Variants in ITGA6 observed in about 807,000 individuals in gnomAD.
ITGA6 encodes integrin alpha-6.
ITGA6 carries 63 observed loss-of-function variants against 133.6 expected under a neutral mutation model. The ratio of observed to expected loss-of-function variants is 0.47; its 90% CI spans 0.38 to 0.58. The LOEUF (loss-of-function observed/expected upper bound fraction) is 0.58, where lower values mean the gene tolerates loss of function less well. Among genes scored for constraint, ITGA6 ranks in the 20% least tolerant of loss-of-function variants. The probability of loss-of-function intolerance (pLI) is 0.00; values close to 1 mark genes in which losing one functional copy is unlikely to be tolerated. For synonymous variants in ITGA6, 434 were observed against 482.0 expected, an observed-to-expected ratio of 0.90 and a Z score of 1.30; for missense variants, 1,068 against 1,309.4, an observed-to-expected ratio of 0.82 and a Z score of 2.85.
intron 4 of ITGA6, 46 bp downstream of exon 4, chr2:172,469,426 T>G: frequency 1.9e-6 from 3 of 1,576,876 alleles, no homozygotes; most frequent in Non-Finnish European, 2.6e-6. Flanking sequence ...TCCCCTAATT[T>G]CTGTAATATG....
intron 5 of ITGA6, among the ~76,000 whole-genome samples, chr2:172,473,060 G>A (rs898628724): frequency 1.3e-5 from 2 of 152,062 alleles, no homozygotes; most frequent in Non-Finnish European, 2.9e-5. Flanking sequence ...TGTAAGAGCT[G>A]GACTCCATAT....
intron 1 of ITGA6, among the ~76,000 whole-genome samples, chr2:172,436,137 A>G (rs762448236): frequency 2.0e-5 from 3 of 152,070 alleles, no homozygotes; most frequent in Non-Finnish European, 4.4e-5. Flanking sequence ...AATGAAGAAG[A>G]CCTCCATGAC....
intron 1 of ITGA6, among the ~76,000 whole-genome samples, chr2:172,435,208 G>A (rs554508059): frequency 2.0e-5 from 3 of 152,144 alleles, no homozygotes; most frequent in Non-Finnish European, 4.4e-5. Flanking sequence ...GCATTGTGAT[G>A]TAAAGTTAAC....
intron 23 of ITGA6, among the ~76,000 whole-genome samples, chr2:172,496,928 C>T (rs1262586619): frequency 6.6e-6 from 1 of 152,196 alleles, no homozygotes; most frequent in Non-Finnish European, 1.5e-5. Flanking sequence ...TTAAGCTTCT[C>T]AGCAGCAGGA....
Position 172,485,340 on chromosome 2 carries a change from A to G in ITGA6, c.1854+76A>G. On this transcript the variant is annotated intron_variant, in intron 13 of 25. Coordinates refer to ENST00000684293, the MANE Select transcript of ITGA6 (RefSeq NM_000210.4). Reference sequence around the variant, plus strand: ...GCTAAATCAAATGTCTTTGAAGGGAATAGAACTAGTGATTTGCTTTAAAGG... The same window carrying G: ...GCTAAATCAAATGTCTTTGAAGGGAGTAGAACTAGTGATTTGCTTTAAAGG... 4 of 1,283,540 alleles carry G rather than the reference A, an allele frequency of 3.1e-6. No individual in the cohort carries two copies. The South Asian group carries it at 3.6e-5, about 11-fold the overall frequency. The allele number at this position is 1,283,540 out of a possible 1,614,324, so 79.5% of individuals were successfully genotyped here.
chr2:172,500,818 C>A (rs1455597101), intron 24 of ITGA6, among the ~76,000 whole-genome samples: 1 of 152,130 alleles, frequency 6.6e-6, no homozygotes, highest in Non-Finnish European at 1.5e-5. Flanking sequence ...GGCGGTTAGG[C>A]ACGTGGAATA....
Position 172,461,866 on chromosome 2 carries a change from G to A in ITGA6, c.183-3673G>A, listed in dbSNP as rs551536196. On this transcript the variant is annotated intron_variant, in intron 1 of 25. Transcript: ENST00000684293. ...ACCATGTCCTGAACAGCTTAGACCAGCACCCAGACCCTAAATGACCTAGAT... is the reference window on the plus strand; with the variant it reads ...ACCATGTCCTGAACAGCTTAGACCAACACCCAGACCCTAAATGACCTAGAT... Among the ~76,000 whole-genome samples the A allele has an allele frequency of 8.5e-5, 13 of 152,278 alleles. No individual in the cohort carries two copies. In the South Asian group the frequency reaches 2.5e-3, roughly 29 times the overall value.
Position 172,487,973 on chromosome 2 carries a change from A to G in ITGA6, c.2337A>G (p.Gln779=), listed in dbSNP as rs774121934. ...INLKLETTSN[Q]DNLAPITAKA... Reference sequence around the variant, plus strand: ...TTTTCATTTTCAGAACAAGCAATCAAGATAATTTGGCTCCAATTACAGCTA... The same window carrying G: ...TTTTCATTTTCAGAACAAGCAATCAGGATAATTTGGCTCCAATTACAGCTA... The change falls in exon 18 of 26, where the codon CAA becomes CAG. Residue 779 remains glutamine (Q), a synonymous_variant. Transcript: ENST00000684293. 3.1e-6 allele frequency: 5 copies of G among 1,613,672 alleles called. No homozygotes were observed. Among genetic ancestry groups the G allele is most frequent in the Non-Finnish European group, 4.2e-6 (5 of 1,179,600 alleles).
chr2:172,485,275 CT>C lies in ITGA6; in HGVS notation c.1854+12del, dbSNP rs1686618275. ...ACAGCTCATATTGATGTAAGTCTCT[CT>C]GACTTTCATTTTGCCAAAGTTTTTT... is the stretch of plus-strand genomic sequence containing the variant. On this transcript the variant is annotated intron_variant, in intron 13 of 25. Transcript: ENST00000684293. The C allele has an allele frequency of 6.2e-7, 1 of 1,613,282 alleles. No homozygotes were observed. The highest frequency in any genetic ancestry group is 8.5e-7 in the Non-Finnish European group (1 of 1,179,560).
At position 172,491,777 on chromosome 2, in the gene ITGA6, G is replaced by C. The variant is rs1686939278; in HGVS notation, c.2988+254G>C. 4.6e-5 allele frequency among the ~76,000 whole-genome samples: 7 copies of C among 152,126 alleles called. No individual in the cohort carries two copies. Among genetic ancestry groups the C allele is most frequent in the Admixed American group, 4.6e-4 (7 of 15,272 alleles). The stretch of plus-strand genomic sequence containing the variant: ...ACTACTGGCTCAATTCAGAGAATGG[G>C]TGCACCTCACAGCCCTCTAGAAACC... On this transcript the variant is annotated intron_variant, in intron 23 of 25. Coordinates refer to ENST00000684293, the MANE Select transcript of ITGA6 (RefSeq NM_000210.4). The surrounding 1 kb of genome is among the most constrained non-coding windows in gnomAD (Gnocchi z 4.4).
chr2:172,461,161 C>A (rs1685413328), intron 1 of ITGA6, among the ~76,000 whole-genome samples: 1 of 152,164 alleles, frequency 6.6e-6, no homozygotes, highest in Non-Finnish European at 1.5e-5. Context: ...CTCCAAAGAC[C>A]TGAATTTATA....
chr2:172,479,513 T>A, intron 9 of ITGA6, 128 bp from the exon 10 acceptor site: 1 of 788,718 alleles, frequency 1.3e-6, no homozygotes, highest in South Asian at 1.4e-5. Flanking sequence ...GGGGAAAACG[T>A]CACGTGTATT....
Position 172,427,985 on chromosome 2 carries a change from C to T in ITGA6, c.182+15C>T, listed in dbSNP as rs6716540. ...GACAAGCGGCTGTGAGTTCCCAGAC[C>T]CTTCCCACCCCCACTGGGGCGCCGG... On this transcript the variant is annotated intron_variant, in intron 1 of 25. Coordinates refer to ENST00000684293, the MANE Select transcript of ITGA6 (RefSeq NM_000210.4). The T allele has an allele frequency of 0.28, 449,222 of 1,592,280 alleles. 75,014 individuals carry two copies. Among genetic ancestry groups the T allele is most frequent in the East Asian group, 0.84 (35,522 of 42,226 alleles).
intron 1 of ITGA6, among the ~76,000 whole-genome samples, chr2:172,448,956 C>T (rs1882167): frequency 2.2e-3 from 339 of 152,226 alleles, no homozygotes; most frequent in Admixed American, 5.3e-3. Flanking sequence ...GTCTTGAAGG[C>T]AAAATCGTAG....
chr2:172,487,446 C>T lies in ITGA6; in HGVS notation c.2153C>T (p.Ala718Val). 1 of 1,613,772 alleles carries T rather than the reference C, an allele frequency of 6.2e-7. No individual in the cohort carries two copies. The highest frequency in any genetic ancestry group is 8.5e-7 in the Non-Finnish European group (1 of 1,179,692). Residue 718 changes from alanine to valine, a missense_variant, in exon 15 of 26, where the codon GCT becomes GTT. This residue lies in a region of ITGA6 where 609 missense variants were observed against 707.2 expected (regional missense o/e 0.86). Transcript: ENST00000684293. ...LTYSAYRELR[A>V]FPEKQLSCVA... ...TATTCTGCATATAGAGAACTGAGGG[C>T]TTTCCCTGTAAGTATTGTTAGAGAC... is the stretch of plus-strand genomic sequence containing the variant.
chr2:172,470,998 A>G lies in ITGA6; in HGVS notation c.668A>G (p.Asn223Ser), dbSNP rs1487706480. 1.2e-6 allele frequency: 2 copies of G among 1,614,078 alleles called. No homozygotes were observed. The highest frequency in any genetic ancestry group is 1.7e-6 in the Non-Finnish European group (2 of 1,179,972). The change falls in exon 5 of 26, where the codon AAT becomes AGT. Residue 223 changes from asparagine to serine, a missense_variant. By Grantham distance (46) the Asn-to-Ser change is conservative. Coordinates refer to ENST00000684293, the MANE Select transcript of ITGA6 (RefSeq NM_000210.4). ...GGGATTGTTCGTGTAGAGCAAAAGA[A>G]TAACACTTTTTTTGACATGAACATC... ...WKGIVRVEQK[N>S]NTFFDMNIFE...
intron 23 of ITGA6, among the ~76,000 whole-genome samples, chr2:172,497,329 CA>C (rs1470653662): frequency 6.6e-6 from 1 of 151,792 alleles, no homozygotes; most frequent in African/African-American, 2.4e-5. Flanking sequence ...CCTGTCTCAA[CA>C]AAAAAATTTT....
chr2:172,472,458 A>G (rs1685982745), intron 5 of ITGA6, among the ~76,000 whole-genome samples: 1 of 152,258 alleles, frequency 6.6e-6, no homozygotes, highest in African/African-American at 2.4e-5. Flanking sequence ...AACATTTGAA[A>G]ATATGAAGCA....
At chr2:172,459,273 G>C (rs1327696074) in intron 1 of ITGA6, among the ~76,000 whole-genome samples, 1 of 152,164 alleles carries the variant, frequency 6.6e-6, no homozygotes, top group African/African-American at 2.4e-5. Flanking sequence ...GGGCCTCAAG[G>C]TAGGCGGATC....
Sources: gnomAD v4.1 joint callset for allele counts (sites outside exome capture counted in the v4.1 genomes callset) on GRCh38, gnomAD v4.1.1 for gene constraint, gnomAD v4.1.1 regional missense constraint, Gnocchi (gnomAD v3.1) non-coding constraint, MANE v1.5 for transcripts, NCBI Gene and HGNC (gene_info 2026-07-23, HGNC 2026-07-21) for gene names.